The following KCND2 variants were observed in gnomAD, a reference collection of about 807,000 sequenced individuals.
The protein encoded by KCND2 is A-type voltage-gated potassium channel KCND2.
In KCND2, 16 loss-of-function variants were observed where a neutral mutation model predicts 54.4. That is an observed-to-expected ratio of 0.29 (90% CI 0.20 to 0.45). The LOEUF is 0.45. KCND2 is among the 20% of genes least tolerant of loss of function. The pLI, the probability that KCND2 is intolerant of heterozygous loss-of-function variation, is 1.00. For synonymous variants in KCND2, 317 were observed against 310.7 expected, an observed-to-expected ratio of 1.02 and a Z score of -0.21; for missense variants, 486 against 824.2, an observed-to-expected ratio of 0.59 and a Z score of 5.02.
intron 1 of KCND2, among the ~76,000 whole-genome samples, chr7:120,307,119 T>C (rs540696101): frequency 3.3e-5 from 5 of 152,192 alleles, no homozygotes; most frequent in African/African-American, 9.6e-5. Context: ...TCTAATATAA[T>C]ATTTTCCCCA....
In KCND2 at chr7:120,718,277, G is replaced by A. The variant is rs56804074; in HGVS notation, c.1116-14626G>A. Among the ~76,000 whole-genome samples, 1,000 of 152,244 alleles carry A rather than the reference G, an allele frequency of 6.6e-3. 14 individuals are homozygous for A. The highest frequency in any genetic ancestry group is 0.023 in the African/African-American group (950 of 41,546). On this transcript the variant is annotated intron_variant, in intron 1 of 5. Transcript: ENST00000331113. ...CAGCACAACGCTTAACCTTTCCAAA[G>A]TGAGTTGATTACACAATGATTGTTC... is the stretch of plus-strand genomic sequence containing the variant.
At chr7:120,485,364 A>G (rs997470672) in intron 1 of KCND2, among the ~76,000 whole-genome samples, 1 of 152,232 alleles carries the variant, frequency 6.6e-6, no homozygotes, top group Non-Finnish European at 1.5e-5. Flanking sequence ...CTGGAGTAAG[A>G]ATATCTCAAT....
intron 1 of KCND2, among the ~76,000 whole-genome samples, chr7:120,653,182 C>G (rs1584870473): frequency 6.6e-6 from 1 of 151,306 alleles, no homozygotes; most frequent in Non-Finnish European, 1.5e-5. Flanking sequence ...CACAGGCACA[C>G]ACCACCATGC....
At chr7:120,471,095 C>T (rs1802446853) in intron 1 of KCND2, among the ~76,000 whole-genome samples, 1 of 151,896 alleles carries the variant, frequency 6.6e-6, no homozygotes, top group African/African-American at 2.4e-5. Flanking sequence ...GGGCTGTCAC[C>T]CCAAATTCTA....
chr7:120,312,085 A>G (rs1584724725), intron 1 of KCND2, among the ~76,000 whole-genome samples: 1 of 152,002 alleles, frequency 6.6e-6, no homozygotes, highest in Non-Finnish European at 1.5e-5. Flanking sequence ...TGTATTTTTA[A>G]TAGAGATGGG....
intron 1 of KCND2, among the ~76,000 whole-genome samples, chr7:120,622,485 T>TTATATATA (rs370315618): frequency 0.027 from 4,043 of 151,042 alleles, 152 homozygotes; most frequent in African/African-American, 0.085. Flanking sequence ...TGCGAAATTG[T>TTATATATA]TATATATATA....
At chr7:120,691,517 T>C (rs1282074594) in intron 1 of KCND2, among the ~76,000 whole-genome samples, 2 of 152,260 alleles carry the variant, frequency 1.3e-5, no homozygotes, top group Non-Finnish European at 1.5e-5. Context: ...ACTGAGCAAC[T>C]TACAGATGGT....
At chr7:120,436,019 C>T (rs10244854) in intron 1 of KCND2, among the ~76,000 whole-genome samples, 49,091 of 151,954 alleles carry the variant, frequency 0.32, 10,958 homozygotes, top group African/African-American at 0.62. Context: ...TGCTGAATAT[C>T]CTCAATTTCA....
chr7:120,346,049 A>G (rs1800311542), intron 1 of KCND2, among the ~76,000 whole-genome samples: 1 of 152,174 alleles, frequency 6.6e-6, no homozygotes, highest in Non-Finnish European at 1.5e-5. Context: ...GATAGGTAAG[A>G]TGATATCTCA....
chr7:120,512,658 TG>T (rs1286946053), intron 1 of KCND2, among the ~76,000 whole-genome samples: 1 of 152,110 alleles, frequency 6.6e-6, no homozygotes, highest in Non-Finnish European at 1.5e-5. Flanking sequence ...TGAAGTTATT[TG>T]TAGATGATAC....
intron 1 of KCND2, among the ~76,000 whole-genome samples, chr7:120,421,635 C>T (rs1175726100): frequency 6.6e-6 from 1 of 152,218 alleles, no homozygotes; most frequent in Non-Finnish European, 1.5e-5. Flanking sequence ...AGCCACCATT[C>T]GGAAATGCCT....
At chr7:120,359,779 G>C (rs1800567554) in intron 1 of KCND2, among the ~76,000 whole-genome samples, 1 of 152,062 alleles carries the variant, frequency 6.6e-6, no homozygotes, top group Admixed American at 6.6e-5. Flanking sequence ...GGGACCAGAA[G>C]GGAGGTGATT....
rs1800176165 is a variant in KCND2, at chr7:120,337,962, GT to G, written c.1115+62219del. 2.0e-5 allele frequency among the ~76,000 whole-genome samples: 3 copies of G among 152,042 alleles called. No individual in the cohort carries two copies. The South Asian group carries it at 6.2e-4, about 31-fold the overall frequency. ...CATGGTGCATCAAAAAAGTCAAGCT[GT>G]TTTACATTTCAGAGTTTCACAGTGA... On this transcript the variant is annotated intron_variant, in intron 1 of 5. Coordinates refer to ENST00000331113, the MANE Select transcript of KCND2 (RefSeq NM_012281.3).
intron 1 of KCND2, among the ~76,000 whole-genome samples, chr7:120,695,536 G>C (rs1019410939): frequency 1.3e-5 from 2 of 152,074 alleles, no homozygotes; most frequent in Non-Finnish European, 2.9e-5. Context: ...GAGAGTAATT[G>C]GGTTAGATTT....
chr7:120,321,863 G>C (rs1222929634), intron 1 of KCND2, among the ~76,000 whole-genome samples: 1 of 151,990 alleles, frequency 6.6e-6, no homozygotes, highest in Non-Finnish European at 1.5e-5. Context: ...TTCTCAATAA[G>C]CATTTGTTGA....
intron 1 of KCND2, among the ~76,000 whole-genome samples, chr7:120,417,383 C>A (rs1377723363): frequency 6.6e-6 from 1 of 152,016 alleles, no homozygotes; most frequent in Non-Finnish European, 1.5e-5. Flanking sequence ...CATGCCCCAT[C>A]CCCCTCATTT....
intron 1 of KCND2, among the ~76,000 whole-genome samples, chr7:120,329,120 CT>C (rs542875258): frequency 0.13 from 17,021 of 132,350 alleles, 717 homozygotes; most frequent in African/African-American, 0.16. Context: ...CTAGCTTAGT[CT>C]TTTTTTTTTT....
At chr7:120,336,063 T>G (rs951574723) in intron 1 of KCND2, among the ~76,000 whole-genome samples, 1 of 152,196 alleles carries the variant, frequency 6.6e-6, no homozygotes, top group Non-Finnish European at 1.5e-5. Flanking sequence ...CTAACCATTA[T>G]TTTTTAAGGT....
intron 1 of KCND2, among the ~76,000 whole-genome samples, chr7:120,304,724 A>G (rs1371847391): frequency 6.6e-6 from 1 of 151,572 alleles, no homozygotes; most frequent in Admixed American, 6.6e-5. Context: ...TTCTCTCTCT[A>G]TTCCTCCCTT....
Sources: gnomAD v4.1 joint callset for allele counts (sites outside exome capture counted in the v4.1 genomes callset) on GRCh38, gnomAD v4.1.1 for gene constraint, MANE v1.5 for transcripts, NCBI Gene and HGNC (gene_info 2026-07-23, HGNC 2026-07-21) for gene names.